Variants in NVL observed in about 807,000 individuals in gnomAD.
NVL encodes nuclear valosin-containing protein-like.
Under a neutral mutation model 110.2 loss-of-function variants are expected in NVL, and 84 were observed. That is an observed-to-expected ratio of 0.76 (90% confidence interval 0.64 to 0.91). The LOEUF (loss-of-function observed/expected upper bound fraction) is 0.91. NVL is among the 40% of genes least tolerant of loss of function. The probability of loss-of-function intolerance (pLI) is 0.00; values close to 1 mark genes in which losing one functional copy is unlikely to be tolerated. For synonymous variants in NVL, 354 were observed against 361.1 expected, an observed-to-expected ratio of 0.98 and a Z score of 0.22; for missense variants, 882 against 1,035.9, an observed-to-expected ratio of 0.85 and a Z score of 2.04.
At chr1:224,247,570 G>T (rs960640720) in intron 19 of NVL, among the ~76,000 whole-genome samples, 1 of 152,066 alleles carries the variant, frequency 6.6e-6, no homozygotes, top group Non-Finnish European at 1.5e-5. Context: ...TCAGGAGGTT[G>T]AGGCAGGAGA....
chr1:224,317,824 A>C, intron 3 of NVL, 31 bp from the exon 4 acceptor site: 1 of 1,562,842 alleles, frequency 6.4e-7, no homozygotes, highest in Non-Finnish European at 8.8e-7. Context: ...CTATGAGCTA[A>C]AACAATCGTT....
At chr1:224,280,184 T>TG (rs1280148762) in intron 16 of NVL, among the ~76,000 whole-genome samples, 1 of 150,658 alleles carries the variant, frequency 6.6e-6, no homozygotes, top group African/African-American at 2.4e-5. Flanking sequence ...TTTTTGTTTT[T>TG]TTTTTTTTTG....
intron 12 of NVL, among the ~76,000 whole-genome samples, chr1:224,292,758 T>A (rs1324184706): frequency 6.6e-6 from 1 of 152,088 alleles, no homozygotes; most frequent in Non-Finnish European, 1.5e-5. Context: ...AATACCTTTT[T>A]TTTTTTGAGA....
chr1:224,294,271 C>G lies in NVL; in HGVS notation c.1321G>C (p.Glu441Gln). 6.2e-7 allele frequency: 1 copy of G among 1,614,084 alleles called. No individual in the cohort carries two copies. The highest frequency in any genetic ancestry group is 8.5e-7 in the Non-Finnish European group (1 of 1,180,036). Residue 441 changes from glutamate (E) to glutamine (Q), a missense_variant, in exon 12 of 23, where the codon GAA becomes CAA. Physicochemically the swap from Glu to Gln is conservative, Grantham distance 29. This residue lies in a region of NVL where 416 missense variants were observed against 499.3 expected (regional missense o/e 0.83). Coordinates refer to ENST00000281701, the MANE Select transcript of NVL (RefSeq NM_002533.4). ...CTTCATTCTATAAGAATATACCTTT[C>G]CCTGGATGCTTCATCTGGGATACCT... ...CLGIPDEASR[E>Q]RILQTLCRKL...
chr1:224,253,955 T>G (rs957707282), intron 18 of NVL, among the ~76,000 whole-genome samples: 4 of 152,168 alleles, frequency 2.6e-5, no homozygotes, highest in Non-Finnish European at 4.4e-5. Context: ...GTGTGAAGCA[T>G]TTTTCATGAG....
intron 17 of NVL, among the ~76,000 whole-genome samples, chr1:224,273,470 T>G (rs1466286918): frequency 2.0e-5 from 3 of 151,338 alleles, no homozygotes; most frequent in African/African-American, 7.3e-5. Context: ...CAGATAAGGC[T>G]GCTCTGCCTA....
chr1:224,287,751 A>G, intron 14 of NVL, 24 bp downstream of exon 14: 1 of 1,592,536 alleles, frequency 6.3e-7, no homozygotes. Flanking sequence ...CATGCCAATA[A>G]TATTTGGCAG....
chr1:224,254,563 G>GTTTTTTTTTTTTT (rs71572893), intron 18 of NVL, among the ~76,000 whole-genome samples: 1 of 36,700 alleles, frequency 2.7e-5, no homozygotes, highest in African/African-American at 5.3e-5. Flanking sequence ...CGGCTAATTT[G>GTTTTTTTTTTTTT]TTTTTTTTGT....
chr1:224,237,729 A>ATTTTTTT (rs1660647934), intron 19 of NVL, among the ~76,000 whole-genome samples: 1 of 38,616 alleles, frequency 2.6e-5, no homozygotes, highest in African/African-American at 6.4e-5. Flanking sequence ...ATGCCTGGCT[A>ATTTTTTT]CTTTTTTTTT....
intron 19 of NVL, among the ~76,000 whole-genome samples, chr1:224,242,307 T>C (rs1057504755): frequency 5.9e-5 from 9 of 152,106 alleles, no homozygotes; most frequent in Non-Finnish European, 8.8e-5. Context: ...AAATTTTATG[T>C]TATGTATCTA....
rs1295474996 is a variant in NVL at position 224,325,189 on chromosome 1, G to C, written c.131+1202C>G. On this transcript the variant is annotated intron_variant, in intron 2 of 22. Transcript: ENST00000281701. ...AGGCAGGAGAATCGCTTAAACCCAGGAGGCAGAGCTTGCAGTGAGCCGAGA... is the reference window on the plus strand; with the variant it reads ...AGGCAGGAGAATCGCTTAAACCCAGCAGGCAGAGCTTGCAGTGAGCCGAGA... Among the ~76,000 whole-genome samples the C allele has an allele frequency of 2.0e-5, 3 of 151,722 alleles. No individual in the cohort carries two copies. In the East Asian group the frequency reaches 5.8e-4, roughly 29 times the overall value.
At chr1:224,288,399 T>A (rs1363921674) in intron 13 of NVL, among the ~76,000 whole-genome samples, 2 of 152,172 alleles carry the variant, frequency 1.3e-5, no homozygotes, top group African/African-American at 4.8e-5. Context: ...ATATGGTTCC[T>A]TGATGGTTTA....
At chr1:224,321,172 G>C (rs528124978) in intron 2 of NVL, among the ~76,000 whole-genome samples, 1 of 152,260 alleles carries the variant, frequency 6.6e-6, no homozygotes, top group African/African-American at 2.4e-5. Context: ...ATGAGCCCAG[G>C]GGGCTGAAGC....
intron 17 of NVL, 101 bp downstream of exon 17, chr1:224,275,238 A>G: frequency 2.9e-6 from 4 of 1,365,454 alleles, no homozygotes; most frequent in East Asian, 4.6e-5. Context: ...AAGAGTCTCA[A>G]TGCTCCCAAG....
At chr1:224,230,591 G>A (rs1036924582) in intron 22 of NVL, among the ~76,000 whole-genome samples, 8 of 151,786 alleles carry the variant, frequency 5.3e-5, no homozygotes, top group African/African-American at 1.5e-4. Flanking sequence ...GTGACAGAGC[G>A]AGACTCTGTC....
At chr1:224,254,553 C>T (rs556523057) in intron 18 of NVL, among the ~76,000 whole-genome samples, 161 of 144,612 alleles carry the variant, frequency 1.1e-3, no homozygotes, top group African/African-American at 3.8e-3. Flanking sequence ...CCACCATGCC[C>T]GGCTAATTTG....
At chr1:224,257,241 C>A (rs146550995) in intron 18 of NVL, 1 of 422,764 alleles carries the variant, frequency 2.4e-6, no homozygotes, top group Admixed American at 3.1e-5. Flanking sequence ...AAAGAACCCT[C>A]CTTTCATCTG....
intron 22 of NVL, 84 bp from the exon 23 acceptor site, chr1:224,227,754 A>T: frequency 7.7e-7 from 1 of 1,292,170 alleles, no homozygotes; most frequent in Non-Finnish European, 1.1e-6. Context: ...CACATGCTGC[A>T]GTCCGCACCC....
intron 18 of NVL, among the ~76,000 whole-genome samples, chr1:224,256,423 T>TAAAAAAAAA (rs34959473): frequency 6.6e-5 from 5 of 75,676 alleles, no homozygotes; most frequent in Admixed American, 1.8e-4. Flanking sequence ...AGGCTCCATC[T>TAAAAAAAAA]AAAAAAAAAA....
Sources: allele counts gnomAD v4.1 joint callset (sites outside exome capture counted in the v4.1 genomes callset), GRCh38; gene constraint gnomAD v4.1.1; regional missense constraint gnomAD v4.1.1; transcripts MANE v1.5; gene names NCBI Gene and HGNC (gene_info 2026-07-23, HGNC 2026-07-21).